The following PLVAP variants were observed in gnomAD, a reference collection of about 807,000 sequenced individuals.
PLVAP encodes plasmalemma vesicle associated protein.
PLVAP carries 34 observed loss-of-function variants against 43.1 expected under a neutral mutation model. That is an observed-to-expected ratio of 0.79 (90% CI 0.60 to 1.05). The LOEUF is 1.05. Ranked by LOEUF, PLVAP falls within the 50% of genes least tolerant of loss-of-function variation. PLVAP has a pLI of 0.00. For synonymous variants in PLVAP, 241 were observed against 237.3 expected (o/e 1.02, Z -0.14); for missense variants, 574 against 593.4 (o/e 0.97, Z 0.34).
intron 1 of PLVAP, among the ~76,000 whole-genome samples, chr19:17,371,230 C>T (rs2074570962): frequency 6.6e-6 from 1 of 151,360 alleles, no homozygotes; most frequent in Admixed American, 6.6e-5. Flanking sequence ...GGTGTGATCT[C>T]AGCTCACTGC....
intron 3 of PLVAP, among the ~76,000 whole-genome samples, chr19:17,364,728 C>T (rs2074541328): frequency 6.6e-6 from 1 of 151,512 alleles, no homozygotes; most frequent in African/African-American, 2.4e-5. Context: ...TTCACCCAAC[C>T]CTAGACCCGA....
intron 5 of PLVAP, among the ~76,000 whole-genome samples, chr19:17,358,448 G>A (rs1226676578): frequency 1.3e-5 from 2 of 152,134 alleles, no homozygotes; most frequent in South Asian, 2.1e-4. Flanking sequence ...AGTGGTTGGG[G>A]TCAAAGGGAT....
rs1044536416 is a variant in PLVAP, at chr19:17,360,904, TTTTC to T, written c.1180-76_1180-73del. The T allele has an allele frequency of 1.6e-4, 214 of 1,317,094 alleles. 2 individuals are homozygous for T. In the Middle Eastern group the frequency reaches 5.0e-3, roughly 31 times the overall value. The allele number at this position is 1,317,094 out of a possible 1,614,324, so 81.6% of individuals were successfully genotyped here. A position where few individuals can be genotyped will look rare whatever the true frequency, so the allele number is the denominator to read the frequency against. ...AGACAGGCTTCTGCCTTTTCTTTTC[TTTTC>T]TTTTTCTTTTTTTTTTTTTTTTTGA... is the stretch of plus-strand genomic sequence containing the variant. On this transcript the variant is annotated intron_variant, in intron 3 of 5. Transcript: ENST00000252590.
intron 5 of PLVAP, among the ~76,000 whole-genome samples, chr19:17,356,095 G>A (rs879275363): frequency 3.9e-5 from 6 of 152,122 alleles, no homozygotes; most frequent in Non-Finnish European, 8.8e-5. Context: ...GACTGCCTGA[G>A]GTCAGGAGTT....
intron 1 of PLVAP, among the ~76,000 whole-genome samples, chr19:17,375,897 A>AT (rs1491339507): frequency 2.1e-5 from 3 of 141,784 alleles, no homozygotes; most frequent in African/African-American, 8.0e-5. Flanking sequence ...AAAAAAAAAA[A>AT]TTGCCAGGTG....
At chr19:17,357,027 C>T (rs555573496) in intron 5 of PLVAP, among the ~76,000 whole-genome samples, 2 of 152,122 alleles carry the variant, frequency 1.3e-5, no homozygotes, top group South Asian at 4.2e-4. Flanking sequence ...TACCTCTAAT[C>T]CCAGCACTTT....
chr19:17,376,006 C>T (rs2074593783), intron 1 of PLVAP, among the ~76,000 whole-genome samples: 1 of 151,562 alleles, frequency 6.6e-6, no homozygotes, highest in African/African-American at 2.4e-5. Flanking sequence ...CATAGCGAGA[C>T]CCCACGTCTA....
chr19:17,370,760 A>G (rs1234858175), intron 1 of PLVAP, among the ~76,000 whole-genome samples: 1 of 152,162 alleles, frequency 6.6e-6, no homozygotes, highest in Non-Finnish European at 1.5e-5. Flanking sequence ...GAATTTACAA[A>G]AAAATCATCA....
At chr19:17,374,955 A>G (rs1357088838) in intron 1 of PLVAP, among the ~76,000 whole-genome samples, 1 of 152,060 alleles carries the variant, frequency 6.6e-6, no homozygotes, top group Non-Finnish European at 1.5e-5. Context: ...AGTAGCTGGG[A>G]CTACAGGCAC....
At chr19:17,360,131 T>C (rs1316295871) in intron 5 of PLVAP, among the ~76,000 whole-genome samples, 2 of 152,212 alleles carry the variant, frequency 1.3e-5, no homozygotes, top group African/African-American at 4.8e-5. Context: ...GTACAGGGCA[T>C]GCCCTCTCTG....
chr19:17,373,626 A>G (rs1395143087), intron 1 of PLVAP, among the ~76,000 whole-genome samples: 2 of 151,670 alleles, frequency 1.3e-5, no homozygotes, highest in Non-Finnish European at 2.9e-5. Context: ...AGAGAGCCCC[A>G]CACCTGCTCC....
chr19:17,372,552 G>C (rs2074576629), intron 1 of PLVAP, among the ~76,000 whole-genome samples: 1 of 149,714 alleles, frequency 6.7e-6, no homozygotes, highest in Non-Finnish European at 1.5e-5. Flanking sequence ...CGCCTCCCGG[G>C]TTCATGCCAT....
chr19:17,352,495 C>T, intron 5 of PLVAP, 127 bp from the exon 6 acceptor site: 1 of 996,442 alleles, frequency 1.0e-6, no homozygotes, highest in South Asian at 1.4e-5. Flanking sequence ...CTGCCTCCTA[C>T]CACCCTGGGC....
In PLVAP at chr19:17,377,088, G is replaced by T; in HGVS notation, c.201C>A (p.Ala67=). 2 of 1,614,108 alleles carry T rather than the reference G, an allele frequency of 1.2e-6. No homozygotes were observed. The highest frequency in any genetic ancestry group is 4.5e-5 in the East Asian group (2 of 44,878). The change falls in exon 1 of 6, where the codon GCC becomes GCA. Residue 67 remains alanine, a synonymous_variant. Coordinates refer to ENST00000252590, the MANE Select transcript of PLVAP (RefSeq NM_031310.3). The part of the protein sequence containing the change: ...ESNLQATERR[A]EGLYSQLLGL... ...CTAGGAGCTGACTGTATAGGCCCTC[G>T]GCTCGGCGCTCGGTGGCCTGCAGGT...
chr19:17,374,303 A>G (rs1311514715), intron 1 of PLVAP, among the ~76,000 whole-genome samples: 1 of 152,116 alleles, frequency 6.6e-6, no homozygotes, highest in Non-Finnish European at 1.5e-5. Flanking sequence ...GGTCTCTACT[A>G]AAAATAGAAA....
At chr19:17,374,711 G>T (rs1422100166) in intron 1 of PLVAP, among the ~76,000 whole-genome samples, 1 of 150,344 alleles carries the variant, frequency 6.7e-6, no homozygotes, top group Non-Finnish European at 1.5e-5. Context: ...CTGCAGCCTT[G>T]ACCTCCTGGG....
At chr19:17,371,201 G>T in intron 1 of PLVAP, among the ~76,000 whole-genome samples, 1 of 151,168 alleles carries the variant, frequency 6.6e-6, no homozygotes, top group African/African-American at 2.4e-5. Context: ...TCGCTCTGTG[G>T]CCCAGGCTAG....
intron 5 of PLVAP, among the ~76,000 whole-genome samples, chr19:17,353,796 A>G (rs1461456644): frequency 6.6e-6 from 1 of 151,800 alleles, no homozygotes; most frequent in Non-Finnish European, 1.5e-5. Context: ...TTTATTATCC[A>G]TCTCTCCCAC....
At chr19:17,373,987 C>T (rs973180734) in intron 1 of PLVAP, among the ~76,000 whole-genome samples, 1 of 152,008 alleles carries the variant, frequency 6.6e-6, no homozygotes, top group African/African-American at 2.4e-5. Flanking sequence ...CATGGTGAAA[C>T]CCCATCTCTA....
Sources: gnomAD v4.1 joint callset for allele counts (sites outside exome capture counted in the v4.1 genomes callset) on GRCh38, gnomAD v4.1.1 for gene constraint, MANE v1.5 for transcripts, NCBI Gene and HGNC (gene_info 2026-07-23, HGNC 2026-07-21) for gene names.